Variants in KLRC1 observed in about 807,000 individuals in gnomAD.
KLRC1 encodes NKG2-A/NKG2-B type II integral membrane protein.
Under a neutral mutation model 25.9 loss-of-function variants are expected in KLRC1, and 22 were observed. That is an observed-to-expected ratio of 0.85 (90% CI 0.61 to 1.21). The LOEUF (loss-of-function observed/expected upper bound fraction) is 1.21, where lower values mean the gene tolerates loss of function less well. KLRC1 is among the 50% of genes most tolerant of loss of function. KLRC1 has a pLI of 0.00. For synonymous variants in KLRC1, 77 were observed against 93.1 expected (o/e 0.83, Z 0.99); for missense variants, 240 against 272.2 (o/e 0.88, Z 0.83).
chr12:10,444,609 G>A (rs547215858), downstream of KLRC1, among the ~76,000 whole-genome samples: 30 of 152,204 alleles, frequency 2.0e-4, no homozygotes, highest in South Asian at 6.2e-3. Flanking sequence ...ATTACCAAAC[G>A]CAGTGCATCA....
chr12:10,450,119 G>T, intron 3 of KLRC1, 152 bp from the exon 4 acceptor site: 3 of 595,658 alleles, frequency 5.0e-6, no homozygotes, highest in Non-Finnish European at 7.7e-6. Flanking sequence ...AGTAATGGTG[G>T]TTTTTTGGAA....
downstream of KLRC1, among the ~76,000 whole-genome samples, chr12:10,445,512 A>G (rs1434659241): frequency 1.3e-5 from 2 of 152,210 alleles, no homozygotes; most frequent in Non-Finnish European, 1.5e-5. Flanking sequence ...AGAAAACGAT[A>G]CATATGATAC....
chr12:10,447,701 T>G (rs35427122), intron 5 of KLRC1, 69 bp from the exon 6 acceptor site: 20,227 of 1,328,524 alleles, frequency 0.015, 189 homozygotes, highest in Non-Finnish European at 0.018. Context: ...ATATATTAAA[T>G]TTGAAAACCA....
Position 10,451,191 on chromosome 12 carries a change from T to C in KLRC1, c.-31-4A>G, listed in dbSNP as rs74062025. The C allele has an allele frequency of 0.034, 51,322 of 1,529,684 alleles. 4,480 individuals are homozygous for C. The highest frequency in any genetic ancestry group is 0.23 in the South Asian group (17,179 of 76,226). The allele number at this position is 1,529,684 out of a possible 1,614,324, so 94.8% of individuals were successfully genotyped here. On this transcript the variant is annotated splice_region_variant and splice_polypyrimidine_tract_variant and intron_variant, in intron 1 of 6. Coordinates refer to ENST00000359151, the MANE Select transcript of KLRC1 (RefSeq NM_002259.5). ...GTGTGATGTCAGGGACTGTACTCTA[T>C]AATAACAGTAGTTAAGAAGTTAATA...
At chr12:10,453,483 G>A (rs1038795075), upstream of KLRC1, 1 of 371,388 alleles carries the variant, frequency 2.7e-6, no homozygotes, top group African/African-American at 2.2e-5. Context: ...CCAAAATATA[G>A]GATACTTGGT....
In KLRC1 at chr12:10,450,480, T is replaced by A; in HGVS notation, c.283+4A>T. 6.5e-7 allele frequency: 1 copy of A among 1,541,826 alleles called. No individual in the cohort carries two copies. The highest frequency in any genetic ancestry group is 9.0e-7 in the Non-Finnish European group (1 of 1,116,990). ...CCCCTTGTAATCTTCGAAAATAGAC[T>A]TACAGGGAATAACAACTATCGTTAC... On this transcript the variant is annotated splice_donor_region_variant and intron_variant, in intron 3 of 6. Transcript: ENST00000359151.
chr12:10,449,375 G>A lies in KLRC1; in HGVS notation c.351C>T (p.Gly117=). The change falls in exon 5 of 7, where the codon GGC becomes GGT. Residue 117 remains glycine (G), a synonymous_variant. Coordinates refer to ENST00000359151, the MANE Select transcript of KLRC1 (RefSeq NM_002259.5). Reference sequence around the variant, plus strand: ...ATGTAATCCACTCCTCAGGACAATGGCCACAATGACGTGCTAAATAAAGAT... The same window carrying A: ...ATGTAATCCACTCCTCAGGACAATGACCACAATGACGTGCTAAATAAAGAT... The part of the protein sequence containing the change: ...NTRTQKARHC[G]HCPEEWITYS... 1 of 1,613,300 alleles carries A rather than the reference G, an allele frequency of 6.2e-7. No individual in the cohort carries two copies. Among genetic ancestry groups the A allele is most frequent in the Non-Finnish European group, 8.5e-7 (1 of 1,179,628 alleles).
At chr12:10,444,309 G>A (rs537970909), downstream of KLRC1, among the ~76,000 whole-genome samples, 71 of 145,844 alleles carry the variant, frequency 4.9e-4, 1 homozygote, top group African/African-American at 1.8e-3. Flanking sequence ...CAAGGCCAAA[G>A]GTATTTTCAT....
intron 5 of KLRC1, 69 bp from the exon 6 acceptor site, chr12:10,447,701 T>C (rs35427122): frequency 1.5e-6 from 2 of 1,328,596 alleles, no homozygotes; most frequent in Non-Finnish European, 2.1e-6. Context: ...ATATATTAAA[T>C]TTGAAAACCA....
At chr12:10,445,745 C>A (rs1237152140), downstream of KLRC1, among the ~76,000 whole-genome samples, 1 of 151,960 alleles carries the variant, frequency 6.6e-6, no homozygotes, top group Non-Finnish European at 1.5e-5. Context: ...GATATAAAAT[C>A]AAAATGCAGA....
At chr12:10,443,872 C>A (rs1863942056), downstream of KLRC1, among the ~76,000 whole-genome samples, 1 of 138,558 alleles carries the variant, frequency 7.2e-6, no homozygotes, top group Non-Finnish European at 1.6e-5. Context: ...ACATATAAAG[C>A]CAGTTTCTCA....
downstream of KLRC1, among the ~76,000 whole-genome samples, chr12:10,445,872 C>T (rs1228628703): frequency 1.3e-5 from 2 of 151,886 alleles, no homozygotes; most frequent in Admixed American, 6.6e-5. Context: ...ACTTCAATCC[C>T]CCAAAATACA....
At chr12:10,449,163 A>C in intron 5 of KLRC1, 74 bp downstream of exon 5, 1 of 1,583,100 alleles carries the variant, frequency 6.3e-7, no homozygotes, top group Non-Finnish European at 8.7e-7. Context: ...ACCCACACAT[A>C]TGGATGATTT....
intron 6 of KLRC1, 28 bp downstream of exon 6, chr12:10,447,504 T>C (rs36110233): frequency 1.3e-6 from 2 of 1,491,370 alleles, no homozygotes; most frequent in East Asian, 4.5e-5. Context: ...ATATATATTG[T>C]TATATAGCGC....
intron 2 of KLRC1, 58 bp downstream of exon 2, chr12:10,450,912 C>T (rs576115485): frequency 1.4e-5 from 18 of 1,300,804 alleles, no homozygotes; most frequent in Admixed American, 1.3e-4. Flanking sequence ...CCCCACATTC[C>T]TGTACCCCAA....
intron 6 of KLRC1, chr12:10,447,176 A>G (rs1412106576): frequency 5.1e-6 from 1 of 197,814 alleles, no homozygotes; most frequent in East Asian, 1.3e-4. Flanking sequence ...ATGCGGCCCA[A>G]TACATATACG....
rs534369359 is a variant in KLRC1, at chr12:10,446,189, G to C, written c.*362C>G. The C allele has an allele frequency of 9.3e-4, 192 of 206,762 alleles. No homozygotes were observed. Among genetic ancestry groups the C allele is most frequent in the African/African-American group, 3.8e-3 (163 of 42,356 alleles). The allele number at this position is 206,762 out of a possible 1,614,324, so 12.8% of individuals were successfully genotyped here. Reference sequence around the variant, plus strand: ...AGTTTTCATCACGACACAAAGTAACGTTCTATCAGTTAGAGGTCATCTCCT... The same window carrying C: ...AGTTTTCATCACGACACAAAGTAACCTTCTATCAGTTAGAGGTCATCTCCT... On this transcript the variant is annotated 3_prime_UTR_variant, in exon 7 of 7. Coordinates refer to ENST00000359151, the MANE Select transcript of KLRC1 (RefSeq NM_002259.5).
chr12:10,450,437 A>G, intron 3 of KLRC1, 47 bp downstream of exon 3: 1 of 1,029,152 alleles, frequency 9.7e-7, no homozygotes, highest in Non-Finnish European at 1.5e-6. Flanking sequence ...GGCACATTCA[A>G]TCATTAACGT....
At chr12:10,449,556 C>T (rs953116633) in intron 4 of KLRC1, among the ~76,000 whole-genome samples, 168 bp from the exon 5 acceptor site, 2 of 152,084 alleles carry the variant, frequency 1.3e-5, no homozygotes, top group Admixed American at 6.5e-5. Context: ...TACACACATG[C>T]GCAATAAAGG....
Sources: gnomAD v4.1 joint callset for allele counts (sites outside exome capture counted in the v4.1 genomes callset) on GRCh38, gnomAD v4.1.1 for gene constraint, MANE v1.5 for transcripts, NCBI Gene and HGNC (gene_info 2026-07-23, HGNC 2026-07-21) for gene names.